The following POU6F2 variants were observed in gnomAD, a reference collection of about 807,000 sequenced individuals.
POU6F2 encodes POU domain, class 6, transcription factor 2.
In POU6F2, 31 loss-of-function variants were observed where a neutral mutation model predicts 71.3. The ratio of observed to expected loss-of-function variants is 0.43; its 90% CI spans 0.33 to 0.59. The LOEUF is 0.59. Among genes scored for constraint, POU6F2 ranks in the 20% least tolerant of loss-of-function variants. The pLI is 0.04. For missense variants in POU6F2, 783 were observed against 856.8 expected (o/e 0.91, Z 1.07); for synonymous variants, 347 against 355.7 (o/e 0.98, Z 0.27).
intron 1 of POU6F2, among the ~76,000 whole-genome samples, chr7:39,038,780 T>C (rs1790118308): frequency 6.6e-6 from 1 of 151,986 alleles, no homozygotes; most frequent in East Asian, 1.9e-4. Context: ...TTGGCTAGTG[T>C]AGAATACGTC....
At chr7:39,387,240 T>C (rs1001383736) in intron 5 of POU6F2, among the ~76,000 whole-genome samples, 2 of 152,206 alleles carry the variant, frequency 1.3e-5, no homozygotes, top group Non-Finnish European at 2.9e-5. Context: ...ATCTTTGAAA[T>C]AGACACATAT....
chr7:39,240,233 C>T (rs563069567), intron 4 of POU6F2, among the ~76,000 whole-genome samples: 1 of 152,016 alleles, frequency 6.6e-6, no homozygotes, highest in Admixed American at 6.6e-5. Flanking sequence ...CAAATCGGGA[C>T]AAGGAAAGGA....
intron 5 of POU6F2, among the ~76,000 whole-genome samples, chr7:39,375,567 C>T (rs1786695284): frequency 6.6e-6 from 1 of 152,148 alleles, no homozygotes; most frequent in Non-Finnish European, 1.5e-5. Flanking sequence ...TCACCACTCA[C>T]CTTTCCCTTT....
At chr7:39,311,293 AAAAC>A (rs1308624878) in intron 4 of POU6F2, among the ~76,000 whole-genome samples, 2 of 150,904 alleles carry the variant, frequency 1.3e-5, no homozygotes, top group African/African-American at 2.4e-5. Context: ...ATTAAAAAAA[AAAAC>A]AAACACCAAG....
At chr7:39,189,771 C>G (rs1793622679) in intron 2 of POU6F2, among the ~76,000 whole-genome samples, 1 of 152,114 alleles carries the variant, frequency 6.6e-6, no homozygotes, top group African/African-American at 2.4e-5. Context: ...AACATTGTCC[C>G]ACTTTCAGAA....
chr7:39,314,558 G>A (rs1404055287), intron 4 of POU6F2, among the ~76,000 whole-genome samples: 1 of 152,158 alleles, frequency 6.6e-6, no homozygotes, highest in Non-Finnish European at 1.5e-5. Context: ...TTTCTGTTTT[G>A]TCACTCTTAT....
chr7:39,318,035 C>T (rs1785307834), intron 4 of POU6F2, among the ~76,000 whole-genome samples: 1 of 152,130 alleles, frequency 6.6e-6, no homozygotes, highest in African/African-American at 2.4e-5. Flanking sequence ...TTGCTTGGCA[C>T]TTACAAGGGT....
At chr7:39,098,103 G>A (rs1017455564) in intron 2 of POU6F2, among the ~76,000 whole-genome samples, 1 of 152,060 alleles carries the variant, frequency 6.6e-6, no homozygotes, top group South Asian at 2.1e-4. Flanking sequence ...ATGTCCAAAA[G>A]GAGGATGAAT....
At chr7:39,450,013 A>G (rs1788620736) in intron 7 of POU6F2, among the ~76,000 whole-genome samples, 1 of 152,230 alleles carries the variant, frequency 6.6e-6, no homozygotes. Context: ...AAGGTTCTAT[A>G]TCTTGATTAT....
chr7:39,204,566 CTT>C (rs5883678), intron 3 of POU6F2, among the ~76,000 whole-genome samples: 15 of 149,808 alleles, frequency 1.0e-4, no homozygotes, highest in South Asian at 2.1e-4. Context: ...TGTGGAAACA[CTT>C]TTTTTTTTTT....
intron 2 of POU6F2, among the ~76,000 whole-genome samples, chr7:39,184,317 C>CA (rs902651300): frequency 6.6e-6 from 1 of 152,086 alleles, no homozygotes; most frequent in African/African-American, 2.4e-5. Flanking sequence ...AAAATAACCA[C>CA]AAAAAATATC....
chr7:39,464,119 C>G lies in POU6F2; in HGVS notation c.1659-63C>G. 1 of 1,545,380 alleles carries G rather than the reference C, an allele frequency of 6.5e-7. No individual in the cohort carries two copies. The highest frequency in any genetic ancestry group is 8.8e-7 in the Non-Finnish European group (1 of 1,140,948). On this transcript the variant is annotated intron_variant, in intron 9 of 9. Coordinates refer to ENST00000518318, the MANE Select transcript of POU6F2 (RefSeq NM_001370959.1). This position sits in a 1 kb window ranked among gnomAD's most constrained non-coding sequence, Gnocchi z 4.1. ...CCTGCCAGGCAGTCAGGCAGGCAGG[C>G]AGGAGGCCCACCCTGGCAGAGGACT...
At chr7:39,338,207 T>C (rs2237414) in intron 4 of POU6F2, among the ~76,000 whole-genome samples, 27,497 of 152,126 alleles carry the variant, frequency 0.18, 2,986 homozygotes, top group East Asian at 0.58. Context: ...TGCCCCAGGA[T>C]CCTCCAGACT....
chr7:39,137,156 G>A (rs939124515), intron 2 of POU6F2, among the ~76,000 whole-genome samples: 1 of 152,054 alleles, frequency 6.6e-6, no homozygotes, highest in Admixed American at 6.6e-5. Flanking sequence ...TGCTCACCAA[G>A]CAAAGAAATG....
chr7:39,053,961 G>A (rs1435052534), intron 1 of POU6F2, among the ~76,000 whole-genome samples: 1 of 151,896 alleles, frequency 6.6e-6, no homozygotes, highest in Non-Finnish European at 1.5e-5. Flanking sequence ...AAATTAGCCA[G>A]GCGTGGTGGC....
At chr7:39,276,271 C>A (rs1428460673) in intron 4 of POU6F2, among the ~76,000 whole-genome samples, 1 of 152,122 alleles carries the variant, frequency 6.6e-6, no homozygotes, top group Non-Finnish European at 1.5e-5. Flanking sequence ...CAAAAGAAGA[C>A]ATTTATGCAG....
chr7:39,131,513 C>T (rs1343617114), intron 2 of POU6F2, among the ~76,000 whole-genome samples: 2 of 152,222 alleles, frequency 1.3e-5, no homozygotes, highest in East Asian at 3.9e-4. Flanking sequence ...CTGAACTGAC[C>T]GAGGCGGCCA....
At chr7:39,318,473 A>C (rs1215303787) in intron 4 of POU6F2, among the ~76,000 whole-genome samples, 1 of 152,196 alleles carries the variant, frequency 6.6e-6, no homozygotes, top group Non-Finnish European at 1.5e-5. Context: ...GAACATTTCC[A>C]AAGAAAGAGA....
chr7:39,007,651 T>C (rs1224920808), intron 1 of POU6F2, among the ~76,000 whole-genome samples: 1 of 152,196 alleles, frequency 6.6e-6, no homozygotes, highest in East Asian at 1.9e-4. Flanking sequence ...GCATTAGGTA[T>C]ATACCCCAAT....
Sources: gnomAD v4.1 joint callset for allele counts (sites outside exome capture counted in the v4.1 genomes callset) on GRCh38, gnomAD v4.1.1 for gene constraint, Gnocchi (gnomAD v3.1) non-coding constraint, MANE v1.5 for transcripts, NCBI Gene and HGNC (gene_info 2026-07-23, HGNC 2026-07-21) for gene names.